Variants in ASXL2 observed in about 807,000 individuals in gnomAD.
ASXL2 encodes putative Polycomb group protein ASXL2.
ASXL2 carries 23 observed loss-of-function variants against 122.0 expected under a neutral mutation model. That is an observed-to-expected ratio of 0.19 (90% CI 0.14 to 0.27). ASXL2 has a LOEUF of 0.27. Among genes scored for constraint, ASXL2 ranks in the 10% least tolerant of loss-of-function variants. The pLI is 1.00. For synonymous variants in ASXL2, 650 were observed against 637.0 expected (o/e 1.02, Z -0.31); for missense variants, 1,518 against 1,713.8 (o/e 0.89, Z 2.02).
rs2088748646 is a variant in ASXL2 at position 25,786,467 on chromosome 2, C to T, written c.403+12918G>A. Among the ~76,000 whole-genome samples the T allele has an allele frequency of 2.6e-5, 4 of 151,684 alleles. No individual in the cohort carries two copies. In the South Asian group the frequency reaches 8.3e-4, roughly 32 times the overall value. On this transcript the variant is annotated intron_variant, in intron 5 of 12. Coordinates refer to ENST00000435504, the MANE Select transcript of ASXL2 (RefSeq NM_018263.6). ...TGTTAGCCAGGATGGTCTCGATCTC[C>T]TGACCTTGTGATACGCCTGTCTTGG...
At chr2:25,863,328 C>CAAAAAAA (rs2089861429) in intron 1 of ASXL2, among the ~76,000 whole-genome samples, 3 of 142,154 alleles carry the variant, frequency 2.1e-5, no homozygotes, top group African/African-American at 7.8e-5. Context: ...GACTCCATCT[C>CAAAAAAA]CAAAAAAAAA....
At position 25,775,121 on chromosome 2, in the gene ASXL2, A is replaced by C. The variant is rs1458694017; in HGVS notation, c.404-3581T>G. Among the ~76,000 whole-genome samples the C allele has an allele frequency of 2.7e-5, 4 of 148,208 alleles. No homozygotes were observed. In the Admixed American group the frequency reaches 2.7e-4, roughly 10 times the overall value. Reference sequence around the variant, plus strand: ...GGTTTGGCTCTGTGTCCCCACTCAAATCTCATCTTTTTTTTGTTTTTTTGA... The same window carrying C: ...GGTTTGGCTCTGTGTCCCCACTCAACTCTCATCTTTTTTTTGTTTTTTTGA... On this transcript the variant is annotated intron_variant, in intron 5 of 12. Transcript: ENST00000435504.
Position 25,855,882 on chromosome 2 carries a change from CATTT to C in ASXL2, c.58-10323_58-10320del, listed in dbSNP as rs147256555. On this transcript the variant is annotated intron_variant, in intron 1 of 12. Transcript: ENST00000435504. ...AGACAGAAACACAATCTTGATAATG[CATTT>C]ATTTATTTATTTATTTATTTATTTA... 6.2e-3 allele frequency among the ~76,000 whole-genome samples: 880 copies of C among 142,520 alleles called. 9 individuals carry two copies. The highest frequency in any genetic ancestry group is 0.021 in the African/African-American group (784 of 37,962). 93.5% of individuals were successfully genotyped at this position (142,520 alleles called of 152,430 possible).
At chr2:25,766,366 C>T (rs953937432) in intron 8 of ASXL2, among the ~76,000 whole-genome samples, 3 of 152,150 alleles carry the variant, frequency 2.0e-5, no homozygotes, top group Admixed American at 1.3e-4. Context: ...TTTTTTATCA[C>T]ACTCTGTTCT....
chr2:25,772,280 C>T (rs10182237), intron 5 of ASXL2, among the ~76,000 whole-genome samples: 1 of 151,820 alleles, frequency 6.6e-6, no homozygotes, highest in Non-Finnish European at 1.5e-5. Context: ...TGATTCAGTA[C>T]CCTTATTAAA....
At position 25,771,487 on chromosome 2, in the gene ASXL2, T is replaced by C; in HGVS notation, c.457A>G (p.Lys153Glu). ...TGCTTCTGTGATGGAGAAATGACTTTACCTGCTGGAATGGTGGGTGATGGG... is the reference window on the plus strand; with the variant it reads ...TGCTTCTGTGATGGAGAAATGACTTCACCTGCTGGAATGGTGGGTGATGGG... Reference protein sequence around the residue: ...GCPSPTIPAGKVISPSQKHSK... With the variant: ...GCPSPTIPAGEVISPSQKHSK... Residue 153 changes from lysine (K) to glutamate (E), a missense_variant, in exon 6 of 13, where the codon AAA becomes GAA. Lys to Glu is a moderately conservative substitution (Grantham distance 56, BLOSUM62 1). Coordinates refer to ENST00000435504, the MANE Select transcript of ASXL2 (RefSeq NM_018263.6). The C allele has an allele frequency of 1.2e-6, 2 of 1,613,832 alleles. No homozygotes were observed. Among genetic ancestry groups the C allele is most frequent in the Non-Finnish European group, 1.7e-6 (2 of 1,179,792 alleles).
At chr2:25,783,974 A>G (rs2088692643) in intron 5 of ASXL2, among the ~76,000 whole-genome samples, 2 of 152,028 alleles carry the variant, frequency 1.3e-5, no homozygotes, top group Non-Finnish European at 2.9e-5. Flanking sequence ...AAATTGCTTG[A>G]AATCGGAAGG....
intron 2 of ASXL2, among the ~76,000 whole-genome samples, chr2:25,835,920 C>T (rs531159456): frequency 2.6e-5 from 4 of 152,202 alleles, no homozygotes; most frequent in Non-Finnish European, 4.4e-5. Context: ...ACGCCATCAG[C>T]TGTGGACTTA....
intron 5 of ASXL2, among the ~76,000 whole-genome samples, chr2:25,790,153 G>C (rs1042361065): frequency 8.5e-5 from 13 of 152,072 alleles, no homozygotes; most frequent in African/African-American, 3.1e-4. Flanking sequence ...TCTGTGACAA[G>C]ATAAGCATGA....
At chr2:25,830,260 A>G (rs1168085019) in intron 3 of ASXL2, among the ~76,000 whole-genome samples, 1 of 152,252 alleles carries the variant, frequency 6.6e-6, no homozygotes, top group Non-Finnish European at 1.5e-5. Flanking sequence ...TCCAGGGTTC[A>G]ATGGAAAATC....
chr2:25,843,829 A>G (rs548224371), intron 2 of ASXL2, among the ~76,000 whole-genome samples: 230 of 151,256 alleles, frequency 1.5e-3, no homozygotes, highest in Admixed American at 3.9e-3. Flanking sequence ...AAAAAAAAAA[A>G]AAAGAAAGAA....
chr2:25,824,022 A>G (rs2089345841), intron 3 of ASXL2, among the ~76,000 whole-genome samples: 1 of 152,220 alleles, frequency 6.6e-6, no homozygotes, highest in Admixed American at 6.5e-5. Context: ...TTGTAGATGC[A>G]CTTTGCAGCA....
chr2:25,845,606 GTTA>G (rs375390912), intron 1 of ASXL2, 43 bp from the exon 2 acceptor site: 17 of 890,014 alleles, frequency 1.9e-5, no homozygotes, highest in African/African-American at 8.9e-5. Flanking sequence ...CTTATTTCAA[GTTA>G]TTATAATTCT....
rs34006530 is a variant in ASXL2 at position 25,811,055 on chromosome 2, T to TACACACACACACACAC, written c.144-4734_144-4719dup. On this transcript the variant is annotated intron_variant, in intron 3 of 12. Transcript: ENST00000435504. The stretch of plus-strand genomic sequence containing the variant: ...CCTGTCTCTACAAAAAATACAAAAA[T>TACACACACACACACAC]ACACACACACACACACACACACACA... Among the ~76,000 whole-genome samples, 197 of 116,434 alleles carry TACACACACACACACAC rather than the reference T, an allele frequency of 1.7e-3. 6 individuals carry two copies. Among genetic ancestry groups the TACACACACACACACAC allele is most frequent in the Middle Eastern group, 4.6e-3 (1 of 216 alleles). The allele number at this position is 116,434 out of a possible 152,430, so 76.4% of individuals were successfully genotyped here. A position where few individuals can be genotyped will look rare whatever the true frequency, so the allele number is the denominator to read the frequency against.
chr2:25,848,150 T>G (rs781340909), intron 1 of ASXL2, among the ~76,000 whole-genome samples: 42 of 152,172 alleles, frequency 2.8e-4, no homozygotes, highest in Non-Finnish European at 5.1e-4. Context: ...ATATCAAATC[T>G]TAACTGAAAG....
chr2:25,768,731 A>G lies in ASXL2; in HGVS notation c.631+11T>C. 1 of 1,607,460 alleles carries G rather than the reference A, an allele frequency of 6.2e-7. No homozygotes were observed. On this transcript the variant is annotated intron_variant, in intron 7 of 12. Transcript: ENST00000435504. ...AGAAACTTCCATTGAAAAACTGCCC[A>G]AACTGCCTACCAGGTTTGGCAGGTA...
At chr2:25,829,536 A>C (rs753019937) in intron 3 of ASXL2, among the ~76,000 whole-genome samples, 5 of 152,164 alleles carry the variant, frequency 3.3e-5, no homozygotes, top group Non-Finnish European at 7.3e-5. Flanking sequence ...GGATATCTAA[A>C]CAGCTAACAC....
intron 8 of ASXL2, among the ~76,000 whole-genome samples, chr2:25,761,039 T>C (rs1345706839): frequency 6.6e-6 from 1 of 152,156 alleles, no homozygotes; most frequent in Non-Finnish European, 1.5e-5. Context: ...CAATTTACCC[T>C]CAATTTACCC....
chr2:25,856,799 G>A, intron 1 of ASXL2: 3 of 1,237,316 alleles, frequency 2.4e-6, no homozygotes, highest in Non-Finnish European at 3.5e-6. Flanking sequence ...TCTTGGGGTT[G>A]GTGACTGTCA....
Sources: gnomAD v4.1 joint callset for allele counts (sites outside exome capture counted in the v4.1 genomes callset) on GRCh38, gnomAD v4.1.1 for gene constraint, MANE v1.5 for transcripts, NCBI Gene and HGNC (gene_info 2026-07-23, HGNC 2026-07-21) for gene names.